The following TAOK2 variants were observed in gnomAD, a reference collection of about 807,000 sequenced individuals.
The protein encoded by TAOK2 is serine/threonine-protein kinase TAO2.
In TAOK2, 42 loss-of-function variants were observed where a neutral mutation model predicts 122.5. The observed-to-expected ratio is 0.34, with a 90% CI of 0.27 to 0.44. TAOK2 has a LOEUF of 0.44. Among genes scored for constraint, TAOK2 ranks in the 20% least tolerant of loss-of-function variants. The pLI is 1.00. For synonymous variants in TAOK2, 704 were observed against 677.6 expected, an observed-to-expected ratio of 1.04 and a Z score of -0.61; for missense variants, 1,264 against 1,644.9, an observed-to-expected ratio of 0.77 and a Z score of 4.01.
At chr16:29,983,783 G>A (rs2069697591) in intron 13 of TAOK2, 119 bp downstream of exon 13, 2 of 1,455,552 alleles carry the variant, frequency 1.4e-6, no homozygotes, top group Admixed American at 2.0e-5. Context: ...CTCATTTTCT[G>A]TTGCTGGCTC....
chr16:29,979,445 G>A lies in TAOK2; in HGVS notation c.592G>A (p.Asp198Asn). The change falls in exon 8 of 16, where the codon GAT (aspartate) becomes AAT (asparagine). Residue 198 changes from aspartate to asparagine, a missense_variant. Around this residue, in one of 4 missense-constraint regions of TAOK2, gnomAD observed 254 missense variants for 503.8 expected, o/e 0.50. Transcript: ENST00000308893. This position sits in a 1 kb window ranked among gnomAD's most constrained non-coding sequence, Gnocchi z 4.1. ...WMAPEVILAM[D>N]EGQYDGKVDV... Reference sequence around the variant, plus strand: ...GGCACCCGAGGTGATCCTGGCCATGGATGAGGGGCAGTACGATGGCAAAGT... The same window carrying A: ...GGCACCCGAGGTGATCCTGGCCATGAATGAGGGGCAGTACGATGGCAAAGT... The A allele has an allele frequency of 6.3e-7, 1 of 1,584,900 alleles. No individual in the cohort carries two copies. The highest frequency in any genetic ancestry group is 8.6e-7 in the Non-Finnish European group (1 of 1,163,466).
At chr16:29,991,298 A>G, downstream of TAOK2, 1 of 1,611,508 alleles carries the variant, frequency 6.2e-7, no homozygotes, top group Middle Eastern at 1.7e-4. This position sits in a 1 kb window ranked among gnomAD's most constrained non-coding sequence, Gnocchi z 5.6. Context: ...CTCCTCCACC[A>G]GGCATGCCCC....
intron 1 of TAOK2, among the ~76,000 whole-genome samples, chr16:29,975,232 ATC>A (rs890412776): frequency 8.5e-5 from 13 of 152,136 alleles, no homozygotes; most frequent in African/African-American, 2.4e-4. Context: ...TTGTCAAACG[ATC>A]TGTCTTTTAC....
chr16:29,987,116 C>T lies in TAOK2; in HGVS notation c.2844C>T (p.Ser948=), dbSNP rs765105793. ...CPASQLPGLL[S]HGLLAGLSFA... is the part of the protein sequence containing the mutation. The stretch of plus-strand genomic sequence containing the variant: ...CCAGCCAGCTCCCTGGACTCCTGTC[C>T]CATGGCCTCCTGGCCGGCCTCTCCT... The change falls in exon 16 of 16, where the codon TCC becomes TCT. Residue 948 remains serine (S), a synonymous_variant. Transcript: ENST00000308893. 5.6e-6 allele frequency: 9 copies of T among 1,611,082 alleles called. No individual in the cohort carries two copies. The South Asian group carries it at 8.8e-5, about 16-fold the overall frequency.
downstream of TAOK2, chr16:29,991,077 G>C (rs1346933426): frequency 6.3e-7 from 1 of 1,583,008 alleles, no homozygotes; most frequent in East Asian, 2.2e-5. This position sits in a 1 kb window ranked among gnomAD's most constrained non-coding sequence, Gnocchi z 5.6. Context: ...CCTGCAGACA[G>C]GACGCTCCGA....
rs751725505 is a variant in TAOK2, at chr16:29,981,631, C to T, written c.656-30C>T. On this transcript the variant is annotated intron_variant, in intron 8 of 15. Transcript: ENST00000308893. The stretch of plus-strand genomic sequence containing the variant: ...TTGTCCTCTACCCCCTGCCACCTCT[C>T]ACCTTCTTCCCTTTCACCTTTTTCT... 9.3e-6 allele frequency: 15 copies of T among 1,609,082 alleles called. No homozygotes were observed. In the South Asian group the frequency reaches 1.6e-4, roughly 18 times the overall value.
In TAOK2 at chr16:29,987,433, C is replaced by A; in HGVS notation, c.3161C>A (p.Pro1054Gln). The change falls in exon 16 of 16, where the codon CCA becomes CAA. Residue 1054 changes from proline to glutamine, a missense_variant. Physicochemically the swap from Pro to Gln is moderately conservative, Grantham distance 76. This residue lies in a region of TAOK2 where 824 missense variants were observed against 908.7 expected (regional missense o/e 0.91). Coordinates refer to ENST00000308893, the MANE Select transcript of TAOK2 (RefSeq NM_016151.4). ...GGAGCTGCCTGGCTCTTAGCTTGGCCAGGCCTAGCTCTACCTCTGGTGGCT... is the reference window on the plus strand; with the variant it reads ...GGAGCTGCCTGGCTCTTAGCTTGGCAAGGCCTAGCTCTACCTCTGGTGGCT... ...GLGAAWLLAW[P>Q]GLALPLVAMA... 6.2e-7 allele frequency: 1 copy of A among 1,603,640 alleles called. No individual in the cohort carries two copies. The highest frequency in any genetic ancestry group is 8.5e-7 in the Non-Finnish European group (1 of 1,173,456).
rs1286754919 is a variant in TAOK2 at position 29,987,250 on chromosome 16, A to AGGTGGGGCT, written c.2985_2993dup (p.Val997_Leu999dup). 1 of 1,531,878 alleles carries AGGTGGGGCT rather than the reference A, an allele frequency of 6.5e-7. No individual in the cohort carries two copies. Among genetic ancestry groups the AGGTGGGGCT allele is most frequent in the Admixed American group, 2.2e-5 (1 of 45,514 alleles). 94.9% of individuals were successfully genotyped at this position (1,531,878 alleles called of 1,614,324 possible). ...CTGCAGGCAGCGCTGCTGGCCCTTG[A>AGGTGGGGCT]GGTGGGGCTGGTGGGTCTGGGGGCC... On this transcript the variant is annotated inframe_insertion, in exon 16 of 16. Coordinates refer to ENST00000308893, the MANE Select transcript of TAOK2 (RefSeq NM_016151.4).
At position 29,979,690 on chromosome 16, in the gene TAOK2, G is replaced by T. The variant is rs1051078997; in HGVS notation, c.655+182G>T. ...AATTCTGCCAGCTCTTAGGCCTAGA[G>T]ATTTTGTAGCATTCATCTCTTCCTG... is the stretch of plus-strand genomic sequence containing the variant. On this transcript the variant is annotated intron_variant, in intron 8 of 15. Coordinates refer to ENST00000308893, the MANE Select transcript of TAOK2 (RefSeq NM_016151.4). The surrounding 1 kb of genome is among the most constrained non-coding windows in gnomAD (Gnocchi z 4.1). 1.3e-5 allele frequency among the ~76,000 whole-genome samples: 2 copies of T among 152,162 alleles called. No individual in the cohort carries two copies. Among genetic ancestry groups the T allele is most frequent in the African/African-American group, 2.4e-5 (1 of 41,420 alleles).
rs369242417 is a variant in TAOK2, at chr16:29,986,654, A to C, written c.2382A>C (p.Glu794Asp). Residue 794 changes from glutamate to aspartate, a missense_variant, in exon 16 of 16, where the codon GAA becomes GAC. By Grantham distance (45) the Glu-to-Asp change is conservative. Around this residue, in one of 4 missense-constraint regions of TAOK2, gnomAD observed 824 missense variants for 908.7 expected, o/e 0.91. Coordinates refer to ENST00000308893, the MANE Select transcript of TAOK2 (RefSeq NM_016151.4). This position sits in a 1 kb window ranked among gnomAD's most constrained non-coding sequence, Gnocchi z 4.2. ...LDQRMLGEEE[E>D]AVGERRILGK... is the part of the protein sequence containing the mutation. Reference sequence around the variant, plus strand: ...AAAGAATGCTTGGCGAGGAGGAGGAAGCAGTTGGAGAGAGAAGGATTCTGG... The same window carrying C: ...AAAGAATGCTTGGCGAGGAGGAGGACGCAGTTGGAGAGAGAAGGATTCTGG... 1.9e-6 allele frequency: 3 copies of C among 1,612,398 alleles called. No individual in the cohort carries two copies. Among genetic ancestry groups the C allele is most frequent in the Non-Finnish European group, 2.5e-6 (3 of 1,179,420 alleles).
chr16:29,980,355 C>T (rs1207482354), intron 8 of TAOK2: 1 of 152,242 alleles, frequency 6.6e-6, no homozygotes, highest in Admixed American at 6.5e-5. Flanking sequence ...GTCTCTTCTC[C>T]CTTCCAGTCT....
At chr16:29,992,090 C>CT (rs878891173), downstream of TAOK2, 361 of 137,750 alleles carry the variant, frequency 2.6e-3, 2 homozygotes, top group East Asian at 6.7e-3. Context: ...TGTCCTTTAT[C>CT]TTTTTTTTTT....
downstream of TAOK2, chr16:29,989,204 T>C (rs1355515968): frequency 2.0e-6 from 2 of 985,076 alleles, no homozygotes; most frequent in African/African-American, 3.5e-5. Context: ...GGTCACAGTC[T>C]CTCCCTCTTT....
chr16:29,991,470 A>G, downstream of TAOK2: 1 of 1,491,946 alleles, frequency 6.7e-7, no homozygotes, highest in South Asian at 1.3e-5. This position sits in a 1 kb window ranked among gnomAD's most constrained non-coding sequence, Gnocchi z 5.6. Context: ...TGGCAGTGAG[A>G]ATGTGGGCCC....
Position 29,978,312 on chromosome 16 carries a change from A to G in TAOK2, c.265A>G (p.Ile89Val). The G allele has an allele frequency of 6.2e-7, 1 of 1,614,090 alleles. No homozygotes were observed. Among genetic ancestry groups the G allele is most frequent in the Non-Finnish European group, 8.5e-7 (1 of 1,180,008 alleles). Residue 89 changes from isoleucine to valine, a missense_variant, in exon 4 of 16, where the codon ATT (isoleucine) becomes GTT (valine). Physicochemically the swap from Ile to Val is conservative, Grantham distance 29 (BLOSUM62 3). Transcript: ENST00000308893. ...FLQKLRHPNT[I>V]QYRGCYLREH... ...ACAGAAGCTCCGGCATCCCAACACC[A>G]TTCAGTACCGGGGCTGTTACCTGAG...
downstream of TAOK2, chr16:29,989,274 C>T (rs1289638098): frequency 3.0e-6 from 3 of 985,210 alleles, no homozygotes; most frequent in South Asian, 4.7e-5. Context: ...TGTTCTTTCT[C>T]GTGGGTATCG....
At chr16:29,977,546 C>T (rs1430059193) in intron 1 of TAOK2, among the ~76,000 whole-genome samples, 192 bp from the exon 2 acceptor site, 3 of 152,162 alleles carry the variant, frequency 2.0e-5, no homozygotes, top group Admixed American at 6.5e-5. Flanking sequence ...ACCCAGCCCG[C>T]GTGATCTGGT....
downstream of TAOK2, chr16:29,989,517 C>CTCCTGT: frequency 3.8e-6 from 6 of 1,599,404 alleles, no homozygotes; most frequent in Non-Finnish European, 4.3e-6. Flanking sequence ...CTGGTTGTTC[C>CTCCTGT]TCCTCTTCCT....
At position 29,977,912 on chromosome 16, in the gene TAOK2, G is replaced by C. The variant is rs1476497538; in HGVS notation, c.132+8G>C. 3.7e-6 allele frequency: 6 copies of C among 1,614,012 alleles called. No homozygotes were observed. Among genetic ancestry groups the C allele is most frequent in the African/African-American group, 2.7e-5 (2 of 74,882 alleles). Reference sequence around the variant, plus strand: ...TTTGGAGCCGTATACTTTGTGAGTTGGGTCTTGGGAGGGTGTAATAGGGAT... The same window carrying C: ...TTTGGAGCCGTATACTTTGTGAGTTCGGTCTTGGGAGGGTGTAATAGGGAT... On this transcript the variant is annotated splice_region_variant and intron_variant, in intron 2 of 15. Coordinates refer to ENST00000308893, the MANE Select transcript of TAOK2 (RefSeq NM_016151.4).
Sources: gnomAD v4.1 joint callset for allele counts (sites outside exome capture counted in the v4.1 genomes callset) on GRCh38, gnomAD v4.1.1 for gene constraint, gnomAD v4.1.1 regional missense constraint, Gnocchi (gnomAD v3.1) non-coding constraint, MANE v1.5 for transcripts, NCBI Gene and HGNC (gene_info 2026-07-23, HGNC 2026-07-21) for gene names.